The following RFTN2 variants were observed in gnomAD, a reference collection of about 807,000 sequenced individuals.
The protein encoded by RFTN2 is raftlin family member 2.
A neutral mutation model predicts 52.7 loss-of-function variants in RFTN2; 34 were observed. The observed-to-expected ratio is 0.64, with a 90% CI of 0.49 to 0.86. RFTN2 has a LOEUF of 0.86. RFTN2 is among the 40% of genes least tolerant of loss of function. The probability of loss-of-function intolerance (pLI) is 0.00; values close to 1 mark genes in which losing one functional copy is unlikely to be tolerated. For missense variants in RFTN2, 536 were observed against 600.1 expected (o/e 0.89, Z 1.12); for synonymous variants, 203 against 217.7 (o/e 0.93, Z 0.59).
At chr2:197,618,984 G>T (rs947072975) in intron 5 of RFTN2, among the ~76,000 whole-genome samples, 16 of 151,272 alleles carry the variant, frequency 1.1e-4, no homozygotes, top group African/African-American at 1.7e-4. Flanking sequence ...CCGGCCAGCC[G>T]CCCCATCCGG....
Position 197,649,750 on chromosome 2 carries a change from A to G in RFTN2, c.140-3084T>C, listed in dbSNP as rs145166968. Among the ~76,000 whole-genome samples the G allele has an allele frequency of 4.4e-3, 670 of 152,298 alleles. 3 individuals are homozygous for G. The highest frequency in any genetic ancestry group is 0.015 in the African/African-American group (643 of 41,548). ...ACTTCAGGGAAATTTAGGCAGCTCA[A>G]CACTCTGTTCTTTGCAATCTTACTG... is the stretch of plus-strand genomic sequence containing the variant. On this transcript the variant is annotated intron_variant, in intron 1 of 8. Transcript: ENST00000295049.
intron 1 of RFTN2, among the ~76,000 whole-genome samples, chr2:197,664,524 C>T (rs553302538): frequency 6.6e-6 from 1 of 151,188 alleles, no homozygotes; most frequent in South Asian, 2.1e-4. Flanking sequence ...CCTGTACTCT[C>T]AGCAATTTAG....
At chr2:197,594,015 CTTTTTT>C (rs11352058) in intron 8 of RFTN2, among the ~76,000 whole-genome samples, 1 of 95,986 alleles carries the variant, frequency 1.0e-5, no homozygotes, top group African/African-American at 4.4e-5. Flanking sequence ...CAGAATATTT[CTTTTTT>C]TTTTTTTTTT....
chr2:197,638,738 C>T (rs1408511456), intron 3 of RFTN2, among the ~76,000 whole-genome samples: 25 of 135,764 alleles, frequency 1.8e-4, no homozygotes, highest in Non-Finnish European at 3.5e-4. Context: ...AGTCCATTTA[C>T]ATTTAAAGTT....
chr2:197,583,699 T>A (rs1370146555), intron 8 of RFTN2, among the ~76,000 whole-genome samples: 1 of 151,996 alleles, frequency 6.6e-6, no homozygotes, highest in African/African-American at 2.4e-5. Flanking sequence ...TACATATGTA[T>A]ACATGTGCCA....
intron 5 of RFTN2, among the ~76,000 whole-genome samples, chr2:197,627,430 G>GAAGTACTTACTTC (rs1351207378): frequency 2.0e-5 from 3 of 152,208 alleles, no homozygotes; most frequent in Non-Finnish European, 4.4e-5. Flanking sequence ...TACGGCTAGC[G>GAAGTACTTACTTC]CCTTGTAAGT....
Position 197,633,671 on chromosome 2 carries a change from T to G in RFTN2, c.718+47A>C, listed in dbSNP as rs749169744. On this transcript the variant is annotated intron_variant, in intron 4 of 8. Coordinates refer to ENST00000295049, the MANE Select transcript of RFTN2 (RefSeq NM_144629.3). ...CTAAAAAAAACCTCAAAAACTTATT[T>G]TGCTTAAACTATAGTATATTCTCTT... 3.4e-6 allele frequency: 5 copies of G among 1,490,796 alleles called. No individual in the cohort carries two copies. The South Asian group carries it at 6.3e-5, about 19-fold the overall frequency. The allele number at this position is 1,490,796 out of a possible 1,614,324, so 92.3% of individuals were successfully genotyped here.
intron 5 of RFTN2, among the ~76,000 whole-genome samples, chr2:197,624,618 A>AAAAG (rs1347252720): frequency 1.3e-5 from 2 of 148,494 alleles, no homozygotes; most frequent in East Asian, 2.0e-4. Flanking sequence ...AAAAAAAAAA[A>AAAAG]AAAGAAAGAG....
chr2:197,672,449 G>A (rs1481813792), intron 1 of RFTN2, among the ~76,000 whole-genome samples: 1 of 152,170 alleles, frequency 6.6e-6, no homozygotes, highest in East Asian at 1.9e-4. Context: ...GGGAAATGCA[G>A]GAATTATTTT....
At chr2:197,598,769 A>C (rs1359959201) in intron 7 of RFTN2, among the ~76,000 whole-genome samples, 1 of 152,170 alleles carries the variant, frequency 6.6e-6, no homozygotes, top group East Asian at 1.9e-4. Context: ...CAGAAGAGAC[A>C]GACTTGGAAG....
intron 5 of RFTN2, among the ~76,000 whole-genome samples, chr2:197,620,855 A>T (rs2088251690): frequency 6.6e-6 from 1 of 152,148 alleles, no homozygotes; most frequent in Non-Finnish European, 1.5e-5. Context: ...AATCCTGGCT[A>T]CTCGGGAGGC....
intron 7 of RFTN2, among the ~76,000 whole-genome samples, chr2:197,614,867 T>C (rs907957854): frequency 2.0e-5 from 3 of 152,256 alleles, no homozygotes; most frequent in Admixed American, 2.0e-4. Context: ...TGGGAAATCA[T>C]GCTTCAAGGA....
chr2:197,628,894 C>T (rs922959493), intron 5 of RFTN2, among the ~76,000 whole-genome samples: 2 of 152,202 alleles, frequency 1.3e-5, no homozygotes, highest in Admixed American at 6.5e-5. Context: ...GATGACACAG[C>T]TAATAAGTAG....
intron 3 of RFTN2, among the ~76,000 whole-genome samples, chr2:197,640,581 C>G (rs1209361022): frequency 6.6e-5 from 10 of 152,372 alleles, no homozygotes; most frequent in African/African-American, 2.4e-4. Context: ...CAATGCCTCG[C>G]CCTGCTTCGG....
chr2:197,640,500 A>C (rs1188724858), intron 3 of RFTN2, among the ~76,000 whole-genome samples: 1 of 152,250 alleles, frequency 6.6e-6, no homozygotes, highest in Admixed American at 6.5e-5. Context: ...CCGATTTTCC[A>C]GGTGAGTCCG....
intron 5 of RFTN2, among the ~76,000 whole-genome samples, chr2:197,620,327 C>T (rs969266668): frequency 6.6e-6 from 1 of 152,104 alleles, no homozygotes; most frequent in Non-Finnish European, 1.5e-5. Context: ...AGCTGGCCTA[C>T]ACAAACTGAT....
At chr2:197,631,710 C>A (rs990003060) in intron 4 of RFTN2, among the ~76,000 whole-genome samples, 20 of 152,116 alleles carry the variant, frequency 1.3e-4, no homozygotes, top group African/African-American at 4.3e-4. Flanking sequence ...GCAATATTTC[C>A]AATTTTTCTG....
chr2:197,609,471 G>A (rs1371270716), intron 7 of RFTN2, among the ~76,000 whole-genome samples: 1 of 152,092 alleles, frequency 6.6e-6, no homozygotes, highest in Non-Finnish European at 1.5e-5. Context: ...CCCATTTTTT[G>A]ATGGGGTTGT....
At chr2:197,662,510 C>CAA (rs2088991696) in intron 1 of RFTN2, among the ~76,000 whole-genome samples, 2 of 152,088 alleles carry the variant, frequency 1.3e-5, no homozygotes, top group Admixed American at 1.3e-4. Flanking sequence ...CTATAACCTT[C>CAA]TAATATATTT....
Sources: gnomAD v4.1 joint callset for allele counts (sites outside exome capture counted in the v4.1 genomes callset) on GRCh38, gnomAD v4.1.1 for gene constraint, MANE v1.5 for transcripts, NCBI Gene and HGNC (gene_info 2026-07-23, HGNC 2026-07-21) for gene names.